The following POFUT3 variants were observed in gnomAD, a reference collection of about 807,000 sequenced individuals.
POFUT3 encodes GDP-fucose protein O-fucosyltransferase 3.
chr8:33,311,756 T>C, the POFUT3 span, among the ~76,000 whole-genome samples: 1 of 152,028 alleles, frequency 6.6e-6, no homozygotes, highest in South Asian at 2.1e-4. Flanking sequence ...CCAGGAAAAT[T>C]CATTCATTCA....
the POFUT3 span, among the ~76,000 whole-genome samples, chr8:33,430,514 G>A: frequency 7.2e-5 from 11 of 152,144 alleles, no homozygotes; most frequent in Non-Finnish European, 1.5e-4. Flanking sequence ...GACCACCCAA[G>A]CCAATCACGT....
chr8:33,454,745 C>T, the POFUT3 span, among the ~76,000 whole-genome samples: 1 of 151,138 alleles, frequency 6.6e-6, no homozygotes, highest in African/African-American at 2.4e-5. Flanking sequence ...TGGCTTACTG[C>T]AAACTCCGCC....
the POFUT3 span, among the ~76,000 whole-genome samples, chr8:33,379,108 T>C: frequency 6.6e-6 from 1 of 152,106 alleles, no homozygotes; most frequent in Non-Finnish European, 1.5e-5. Flanking sequence ...CCTCCTGCTT[T>C]GTCGTGGTAA....
chr8:33,404,649 C>G, the POFUT3 span, among the ~76,000 whole-genome samples: 2 of 151,634 alleles, frequency 1.3e-5, no homozygotes, highest in African/African-American at 4.9e-5. Flanking sequence ...TGGATGCAGC[C>G]TAATGCATTT....
At chr8:33,465,120 T>G in the POFUT3 span, among the ~76,000 whole-genome samples, 4 of 152,170 alleles carry the variant, frequency 2.6e-5, no homozygotes, top group Non-Finnish European at 5.9e-5. Context: ...ACTATTTCTT[T>G]CCCTTGCATA....
chr8:33,323,554 G>A, the POFUT3 span, among the ~76,000 whole-genome samples: 14 of 152,156 alleles, frequency 9.2e-5, no homozygotes, highest in Non-Finnish European at 2.1e-4. Context: ...CACAGAATAT[G>A]TGCAAGTCAG....
the POFUT3 span, among the ~76,000 whole-genome samples, chr8:33,463,545 T>G: frequency 6.6e-6 from 1 of 151,832 alleles, no homozygotes; most frequent in South Asian, 2.1e-4. Flanking sequence ...TGAGTCTACC[T>G]TGATTTACTT....
At chr8:33,381,525 G>A in the POFUT3 span, among the ~76,000 whole-genome samples, 1 of 152,176 alleles carries the variant, frequency 6.6e-6, no homozygotes, top group Non-Finnish European at 1.5e-5. Flanking sequence ...TCAAAGAAAG[G>A]ACATGTAAGG....
At chr8:33,472,504 G>C in the POFUT3 span, among the ~76,000 whole-genome samples, 1 of 152,214 alleles carries the variant, frequency 6.6e-6, no homozygotes, top group Admixed American at 6.5e-5. Flanking sequence ...CAGGCCTGCG[G>C]TTGCCGGTGC....
At chr8:33,401,950 C>T in the POFUT3 span, among the ~76,000 whole-genome samples, 1 of 152,096 alleles carries the variant, frequency 6.6e-6, no homozygotes, top group Non-Finnish European at 1.5e-5. Flanking sequence ...TTGCTTGAAC[C>T]CAAGAGGCAG....
chr8:33,419,037 G>A, the POFUT3 span, among the ~76,000 whole-genome samples: 1 of 152,138 alleles, frequency 6.6e-6, no homozygotes, highest in Non-Finnish European at 1.5e-5. Flanking sequence ...ATCTCATGGA[G>A]GTAGAGAGTA....
At chr8:33,380,714 G>C in the POFUT3 span, among the ~76,000 whole-genome samples, 3 of 151,822 alleles carry the variant, frequency 2.0e-5, no homozygotes, top group African/African-American at 7.3e-5. Flanking sequence ...GGCACATGCT[G>C]TAGTCCCGGC....
the POFUT3 span, among the ~76,000 whole-genome samples, chr8:33,354,792 C>T: frequency 1.0e-3 from 153 of 152,284 alleles, no homozygotes; most frequent in Non-Finnish European, 2.1e-3. Flanking sequence ...ACAGACTTGA[C>T]TAATGGCGTC....
At chr8:33,469,996 T>C in the POFUT3 span, among the ~76,000 whole-genome samples, 22 of 151,658 alleles carry the variant, frequency 1.5e-4, no homozygotes, top group African/African-American at 5.1e-4. Flanking sequence ...GGTTTCACGA[T>C]GTTGGTCAGA....
At chr8:33,421,174 G>C in the POFUT3 span, among the ~76,000 whole-genome samples, 1 of 151,912 alleles carries the variant, frequency 6.6e-6, no homozygotes, top group Non-Finnish European at 1.5e-5. Context: ...CATATAATTT[G>C]AATATATTTT....
the POFUT3 span, among the ~76,000 whole-genome samples, chr8:33,373,034 C>A: frequency 6.6e-6 from 1 of 152,106 alleles, no homozygotes; most frequent in African/African-American, 2.4e-5. Context: ...ACATAAATTG[C>A]CCCAAACAGT....
At chr8:33,434,761 G>C in the POFUT3 span, among the ~76,000 whole-genome samples, 1 of 151,968 alleles carries the variant, frequency 6.6e-6, no homozygotes, top group Non-Finnish European at 1.5e-5. Context: ...GAGGCTCACT[G>C]ATGTGCACCT....
At chr8:33,418,789 C>A in the POFUT3 span, among the ~76,000 whole-genome samples, 3 of 152,192 alleles carry the variant, frequency 2.0e-5, no homozygotes, top group Non-Finnish European at 4.4e-5. Context: ...GTCTTTACTG[C>A]AGCACTATTC....
chr8:33,355,423 A>G, the POFUT3 span, among the ~76,000 whole-genome samples: 8 of 152,150 alleles, frequency 5.3e-5, no homozygotes, highest in African/African-American at 1.9e-4. Context: ...CCATCGATTG[A>G]TTTAAATGCT....
Sources: allele counts gnomAD v4.1 joint callset (sites outside exome capture counted in the v4.1 genomes callset), GRCh38; gene constraint gnomAD v4.1.1; transcripts MANE v1.5; gene names NCBI Gene and HGNC (gene_info 2026-07-23, HGNC 2026-07-21).